KPNA3: variants seen among roughly 807,000 people sequenced by gnomAD.
The protein encoded by KPNA3 is importin subunit alpha-4.
A neutral mutation model predicts 73.8 loss-of-function variants in KPNA3; 13 were observed. That is an observed-to-expected ratio of 0.18 (90% CI 0.11 to 0.28). The LOEUF (loss-of-function observed/expected upper bound fraction) is 0.28. KPNA3 is among the 10% of genes least tolerant of loss of function. The pLI, the probability that KPNA3 is intolerant of heterozygous loss-of-function variation, is 1.00. For synonymous variants in KPNA3, 186 were observed against 206.9 expected (o/e 0.90, Z 0.87); for missense variants, 360 against 618.1 (o/e 0.58, Z 4.43).
chr13:49,723,267 T>G (rs912092341), intron 7 of KPNA3, among the ~76,000 whole-genome samples: 3 of 152,174 alleles, frequency 2.0e-5, no homozygotes, highest in Admixed American at 1.3e-4. Context: ...TTATAACATT[T>G]CCAGGACCTC....
At chr13:49,761,116 TACA>T (rs927249625) in intron 1 of KPNA3, among the ~76,000 whole-genome samples, 32 of 152,358 alleles carry the variant, frequency 2.1e-4, no homozygotes, top group South Asian at 2.1e-4. Context: ...TCACCTGTTC[TACA>T]ACAACTGGAT....
intron 1 of KPNA3, among the ~76,000 whole-genome samples, chr13:49,761,767 C>G (rs894102945): frequency 2.6e-5 from 4 of 151,954 alleles, no homozygotes; most frequent in African/African-American, 7.3e-5. Context: ...CGCCTCTTCC[C>G]GGCTGCCATC....
At chr13:49,765,104 A>G (rs557301863) in intron 1 of KPNA3, among the ~76,000 whole-genome samples, 1 of 152,306 alleles carries the variant, frequency 6.6e-6, no homozygotes, top group African/African-American at 2.4e-5. Context: ...TTACTCTACA[A>G]ACCCTTTCTA....
intron 10 of KPNA3, among the ~76,000 whole-genome samples, chr13:49,718,133 C>T (rs946289793): frequency 6.6e-6 from 1 of 152,038 alleles, no homozygotes; most frequent in Non-Finnish European, 1.5e-5. Flanking sequence ...TTAACTTTAC[C>T]GAGTTTCAAT....
intron 6 of KPNA3, among the ~76,000 whole-genome samples, chr13:49,730,434 C>T (rs927038323): frequency 1.4e-5 from 2 of 139,300 alleles, no homozygotes; most frequent in African/African-American, 2.7e-5. Context: ...GCATGAGAAT[C>T]GCTTGAACCC....
chr13:49,732,780 A>G lies in KPNA3; in HGVS notation c.205-4T>C, dbSNP rs1387293307. ...TAGCTTCTAGGGTTACATTTTGCTTAAAAAGAAAAAAAAAATAGTTCAGCA... is the reference window on the plus strand; with the variant it reads ...TAGCTTCTAGGGTTACATTTTGCTTGAAAAGAAAAAAAAAATAGTTCAGCA... On this transcript the variant is annotated splice_region_variant and splice_polypyrimidine_tract_variant and intron_variant, in intron 3 of 16. Transcript: ENST00000261667. The G allele has an allele frequency of 6.4e-7, 1 of 1,556,516 alleles. No individual in the cohort carries two copies. Among genetic ancestry groups the G allele is most frequent in the East Asian group, 2.2e-5 (1 of 44,488 alleles).
chr13:49,762,160 C>A (rs1245490911), intron 1 of KPNA3, among the ~76,000 whole-genome samples: 1 of 148,512 alleles, frequency 6.7e-6, no homozygotes, highest in South Asian at 2.1e-4. Flanking sequence ...AGGTGGGGGG[C>A]AGCCCCCGCC....
chr13:49,774,180 C>T (rs1954877982), intron 1 of KPNA3, among the ~76,000 whole-genome samples: 1 of 152,132 alleles, frequency 6.6e-6, no homozygotes, highest in Non-Finnish European at 1.5e-5. Flanking sequence ...GCTAGGATTA[C>T]AGGTGTGACC....
At chr13:49,782,680 A>G (rs1954950614) in intron 1 of KPNA3, among the ~76,000 whole-genome samples, 1 of 152,082 alleles carries the variant, frequency 6.6e-6, no homozygotes, top group Non-Finnish European at 1.5e-5. Flanking sequence ...AGAGTTTGAG[A>G]CCAGCTTGGA....
At chr13:49,754,632 A>AAG (rs1294371829) in intron 1 of KPNA3, among the ~76,000 whole-genome samples, 1 of 151,704 alleles carries the variant, frequency 6.6e-6, no homozygotes, top group African/African-American at 2.4e-5. Flanking sequence ...AAAAAAAAAA[A>AAG]AAATCAGCAG....
At chr13:49,711,465 C>T (rs1316784982) in intron 10 of KPNA3, among the ~76,000 whole-genome samples, 1 of 152,112 alleles carries the variant, frequency 6.6e-6, no homozygotes, top group Non-Finnish European at 1.5e-5. Context: ...ACATATTTAG[C>T]AATACAATTT....
chr13:49,788,872 C>T (rs928128638), intron 1 of KPNA3, among the ~76,000 whole-genome samples: 3 of 152,058 alleles, frequency 2.0e-5, no homozygotes, highest in African/African-American at 7.2e-5. Context: ...TTACTCCCTC[C>T]CTTCCTCCAT....
chr13:49,790,235 G>A (rs914518162), intron 1 of KPNA3, among the ~76,000 whole-genome samples: 6 of 152,198 alleles, frequency 3.9e-5, no homozygotes, highest in African/African-American at 1.4e-4. Flanking sequence ...GGAAGGCCGA[G>A]GCGGGAGAAT....
intron 15 of KPNA3, among the ~76,000 whole-genome samples, chr13:49,704,283 C>T (rs1286906646): frequency 3.3e-5 from 5 of 151,580 alleles, no homozygotes; most frequent in Admixed American, 6.6e-5. Context: ...TTTAGCCGGG[C>T]GTGGTGGTGC....
chr13:49,713,212 T>A (rs764110630), intron 10 of KPNA3, among the ~76,000 whole-genome samples: 6 of 151,950 alleles, frequency 3.9e-5, no homozygotes, highest in Admixed American at 2.0e-4. Flanking sequence ...CAAAGTTAAA[T>A]CCCACAATTT....
chr13:49,747,836 A>G (rs1954631993), intron 1 of KPNA3, among the ~76,000 whole-genome samples: 1 of 152,212 alleles, frequency 6.6e-6, no homozygotes, highest in African/African-American at 2.4e-5. Context: ...TTGGCTGCCT[A>G]GGACCCATTT....
intron 2 of KPNA3, among the ~76,000 whole-genome samples, chr13:49,742,964 AATCG>A (rs1954586404): frequency 6.6e-6 from 1 of 152,100 alleles, no homozygotes; most frequent in Admixed American, 6.5e-5. Context: ...ATCAGCACTT[AATCG>A]ACTACATAGC....
At chr13:49,737,988 T>C (rs781502488) in intron 2 of KPNA3, among the ~76,000 whole-genome samples, 2 of 152,218 alleles carry the variant, frequency 1.3e-5, no homozygotes, top group Non-Finnish European at 2.9e-5. Flanking sequence ...TAGCTCTTTG[T>C]CTCCAGATCC....
intron 16 of KPNA3, among the ~76,000 whole-genome samples, 196 bp from the exon 17 acceptor site, chr13:49,702,094 A>G (rs78435841): frequency 0.016 from 2,402 of 152,332 alleles, 33 homozygotes; most frequent in South Asian, 0.032. Flanking sequence ...TGCATTGTTA[A>G]GTTTCTGTAT....
Sources: gnomAD v4.1 joint callset for allele counts (sites outside exome capture counted in the v4.1 genomes callset) on GRCh38, gnomAD v4.1.1 for gene constraint, MANE v1.5 for transcripts, NCBI Gene and HGNC (gene_info 2026-07-23, HGNC 2026-07-21) for gene names.